Variants in GIT2 observed in about 807,000 individuals in gnomAD.
GIT2 encodes the protein ARF GTPase-activating protein GIT2.
Under a neutral mutation model 100.3 loss-of-function variants are expected in GIT2, and 32 were observed. The ratio of observed to expected loss-of-function variants is 0.32; its 90% CI spans 0.24 to 0.43. The LOEUF is 0.43. Ranked by LOEUF, GIT2 falls within the 20% of genes least tolerant of loss-of-function variation. GIT2 has a pLI of 1.00. For missense variants in GIT2, 737 were observed against 975.1 expected (o/e 0.76, Z 3.25); for synonymous variants, 353 against 364.1 (o/e 0.97, Z 0.35).
At chr12:109,993,210 A>G (rs1888743817) in intron 1 of GIT2, among the ~76,000 whole-genome samples, 1 of 152,162 alleles carries the variant, frequency 6.6e-6, no homozygotes, top group African/African-American at 2.4e-5. Flanking sequence ...AAGTAAACTG[A>G]ATACCTAGAA....
chr12:109,963,743 A>G (rs1460860378), intron 9 of GIT2, among the ~76,000 whole-genome samples: 1 of 152,214 alleles, frequency 6.6e-6, no homozygotes. Context: ...AAGATACTGG[A>G]GGATAAACAC....
At chr12:109,970,482 G>C (rs1003248404) in intron 7 of GIT2, among the ~76,000 whole-genome samples, 1 of 152,122 alleles carries the variant, frequency 6.6e-6, no homozygotes, top group Non-Finnish European at 1.5e-5. Flanking sequence ...GACAGAGCAA[G>C]ACTCCGTCTT....
At position 109,933,793 on chromosome 12, in the gene GIT2, G is replaced by C. The variant is rs1299068685; in HGVS notation, c.2067+229C>G. The C allele has an allele frequency of 2.1e-6, 1 of 471,196 alleles. No homozygotes were observed. Among genetic ancestry groups the C allele is most frequent in the Non-Finnish European group, 3.9e-6 (1 of 256,948 alleles). The allele number at this position is 471,196 out of a possible 1,614,324, so 29.2% of individuals were successfully genotyped here. ...ATTTTGTATTTTTAGTAGAGACAGG[G>C]TCTCTCCATGTTGGTCAGGCTGGCC... is the stretch of plus-strand genomic sequence containing the variant. On this transcript the variant is annotated intron_variant, in intron 19 of 19. Coordinates refer to ENST00000355312, the MANE Select transcript of GIT2 (RefSeq NM_057169.5). This position sits in a 1 kb window ranked among gnomAD's most constrained non-coding sequence, Gnocchi z 4.5.
intron 4 of GIT2, among the ~76,000 whole-genome samples, chr12:109,984,257 A>G (rs1886902935): frequency 6.6e-6 from 1 of 151,776 alleles, no homozygotes; most frequent in Non-Finnish European, 1.5e-5. Context: ...AAAAAATACA[A>G]AAATTAGTTG....
Position 109,948,385 on chromosome 12 carries a change from C to T in GIT2, c.1393-881G>A, listed in dbSNP as rs956121747. ...GAACATGCTAATCTGCCTGGCACCACCCCATTTTAGAGACTGTCACTTGGA... is the reference window on the plus strand; with the variant it reads ...GAACATGCTAATCTGCCTGGCACCATCCCATTTTAGAGACTGTCACTTGGA... On this transcript the variant is annotated intron_variant, in intron 14 of 19. Transcript: ENST00000355312. The surrounding 1 kb of genome is among the most constrained non-coding windows in gnomAD (Gnocchi z 4.3). 4.0e-6 allele frequency: 4 copies of T among 995,176 alleles called. No individual in the cohort carries two copies. Among genetic ancestry groups the T allele is most frequent in the Non-Finnish European group, 3.6e-6 (3 of 836,556 alleles). 61.6% of individuals were successfully genotyped at this position (995,176 alleles called of 1,614,324 possible). A position where few individuals can be genotyped will look rare whatever the true frequency, so the allele number is the denominator to read the frequency against.
At chr12:109,945,936 AC>A (rs964388449) in intron 15 of GIT2, among the ~76,000 whole-genome samples, 2 of 152,062 alleles carry the variant, frequency 1.3e-5, no homozygotes, top group African/African-American at 4.8e-5. Flanking sequence ...GGAGTTTGAG[AC>A]CAGCCTGGGC....
chr12:109,975,512 C>G (rs1884835149), intron 7 of GIT2, among the ~76,000 whole-genome samples: 1 of 152,082 alleles, frequency 6.6e-6, no homozygotes, highest in South Asian at 2.1e-4. Flanking sequence ...TAGCTCCCAG[C>G]CCCTTTTGTT....
At chr12:109,952,835 A>C in intron 13 of GIT2, 1 of 547,338 alleles carries the variant, frequency 1.8e-6, no homozygotes, top group South Asian at 2.0e-5. Context: ...GGAGAGTAAT[A>C]TCCAGAGAAG....
chr12:109,989,692 T>A lies in GIT2; in HGVS notation c.297A>T (p.Val99=). The A allele has an allele frequency of 7.1e-7, 1 of 1,400,378 alleles. No homozygotes were observed. The highest frequency in any genetic ancestry group is 1.0e-6 in the Non-Finnish European group (1 of 986,824). The allele number at this position is 1,400,378 out of a possible 1,614,324, so 86.7% of individuals were successfully genotyped here. ...GRRKANPQDK[V]HPNKAEFIRA... ...GTATTTATAAACATTCCACTCACTG[T>A]ACTTTATCCTGTGGATTAGCTTTAC... Residue 99 remains valine (V), a splice_region_variant and synonymous_variant, in exon 3 of 20, where the codon GTA becomes GTT. Transcript: ENST00000355312.
upstream of GIT2, chr12:109,997,269 C>A (rs921882353): frequency 6.7e-6 from 1 of 149,294 alleles, no homozygotes; most frequent in Non-Finnish European, 1.5e-5. Context: ...ATCCTAGATA[C>A]TCAGGAGGCT....
intron 2 of GIT2, among the ~76,000 whole-genome samples, chr12:109,991,317 A>T (rs1014028492): frequency 2.6e-5 from 4 of 152,104 alleles, no homozygotes; most frequent in Non-Finnish European, 5.9e-5. Context: ...CTCAAAAAAA[A>T]AAAAAAAACA....
rs1432365864 is a variant in GIT2 at position 109,931,576 on chromosome 12, T to G, written c.*1402A>C. On this transcript the variant is annotated 3_prime_UTR_variant, in exon 20 of 20. Coordinates refer to ENST00000355312, the MANE Select transcript of GIT2 (RefSeq NM_057169.5). ...CCACTTTTCCACATGGCAACAGGCG[T>G]GGAGCTGGGGGCTACTGCCCCTACT... The G allele has an allele frequency of 6.6e-6, 1 of 152,234 alleles. No homozygotes were observed. Among genetic ancestry groups the G allele is most frequent in the East Asian group, 1.9e-4 (1 of 5,204 alleles). 9.4% of individuals were successfully genotyped at this position (152,234 alleles called of 1,614,324 possible). A position where few individuals can be genotyped will look rare whatever the true frequency, so the allele number is the denominator to read the frequency against.
At chr12:109,980,068 A>G (rs1385834144) in intron 7 of GIT2, among the ~76,000 whole-genome samples, 5 of 152,070 alleles carry the variant, frequency 3.3e-5, no homozygotes, top group Admixed American at 1.3e-4. Flanking sequence ...ATAAAACTTT[A>G]TTCATTTATT....
In GIT2 at chr12:109,951,274, C is replaced by T; in HGVS notation, c.1285G>A (p.Glu429Lys). The change falls in exon 14 of 20, where the codon GAA becomes AAA. Residue 429 changes from glutamate to lysine, a missense_variant. Around this residue, in one of 3 missense-constraint regions of GIT2, gnomAD observed 451 missense variants for 543.7 expected, o/e 0.83. Transcript: ENST00000355312. ...DLSDGPVTVQ[E>K]FMEVKNALVA... is the part of the protein sequence containing the mutation. ...AGAGCGTTTTTGACCTCCATAAATT[C>T]CTGTACAGTGACTGGTCCATCTGAT... 6.2e-7 allele frequency: 1 copy of T among 1,611,858 alleles called. No homozygotes were observed. The highest frequency in any genetic ancestry group is 8.5e-7 in the Non-Finnish European group (1 of 1,177,906).
chr12:109,994,416 A>T (rs1345208018), intron 1 of GIT2, among the ~76,000 whole-genome samples: 1 of 152,210 alleles, frequency 6.6e-6, no homozygotes, highest in Non-Finnish European at 1.5e-5. Context: ...TTAGGGGAGA[A>T]GGCCTTAGCA....
chr12:109,963,526 A>T (rs1334352750), intron 9 of GIT2, among the ~76,000 whole-genome samples: 2 of 152,254 alleles, frequency 1.3e-5, no homozygotes, highest in African/African-American at 4.8e-5. Flanking sequence ...AAGAAAACTG[A>T]GGCAGAGAAG....
At chr12:109,982,315 AGAAAC>A (rs1175552247) in intron 6 of GIT2, 1 of 152,256 alleles carries the variant, frequency 6.6e-6, no homozygotes, top group African/African-American at 2.4e-5. Flanking sequence ...ACCACAATGA[AGAAAC>A]CCTATATATG....
At chr12:109,995,838 C>A (rs1383378125) in intron 1 of GIT2, among the ~76,000 whole-genome samples, 1 of 152,200 alleles carries the variant, frequency 6.6e-6, no homozygotes, top group Non-Finnish European at 1.5e-5. Flanking sequence ...GGAGGACGCT[C>A]ACATTTTACT....
At chr12:109,944,386 G>A (rs1212279755) in intron 16 of GIT2, among the ~76,000 whole-genome samples, 1 of 152,162 alleles carries the variant, frequency 6.6e-6, no homozygotes, top group East Asian at 1.9e-4. Context: ...CATTAAAAAA[G>A]AGATGGAGCC....
Sources: allele counts gnomAD v4.1 joint callset (sites outside exome capture counted in the v4.1 genomes callset), GRCh38; gene constraint gnomAD v4.1.1; regional missense constraint gnomAD v4.1.1; non-coding constraint Gnocchi (gnomAD v3.1); transcripts MANE v1.5; gene names NCBI Gene and HGNC (gene_info 2026-07-23, HGNC 2026-07-21).